ROBO1: variants seen among roughly 807,000 people sequenced by gnomAD.
ROBO1 encodes the protein roundabout homolog 1.
ROBO1 carries 149 observed loss-of-function variants against 195.9 expected under a neutral mutation model. The ratio of observed to expected loss-of-function variants is 0.76; its 90% CI spans 0.67 to 0.87. The LOEUF is 0.87. Ranked by LOEUF, ROBO1 falls within the 40% of genes least tolerant of loss-of-function variation. The pLI is 0.00. For missense variants in ROBO1, 1,933 were observed against 2,068.3 expected, an observed-to-expected ratio of 0.93 and a Z score of 1.27; for synonymous variants, 816 against 733.2, an observed-to-expected ratio of 1.11 and a Z score of -1.82.
At chr3:79,718,899 A>T (rs1702592591) in intron 1 of ROBO1, among the ~76,000 whole-genome samples, 1 of 152,106 alleles carries the variant, frequency 6.6e-6, no homozygotes, top group Non-Finnish European at 1.5e-5. Context: ...AAGATTCTGT[A>T]ACCTGGATAT....
At chr3:79,500,195 ATCTCAGCTCGCTGCAACCTCCGC>A (rs1939992278) in intron 2 of ROBO1, among the ~76,000 whole-genome samples, 1 of 130,418 alleles carries the variant, frequency 7.7e-6, no homozygotes, top group Admixed American at 1.0e-4. Context: ...CAATGGTGCT[ATCTCAGCTCGCTGCAACCTCCGC>A]CTCCAGGTTC....
chr3:79,329,694 A>C (rs2034354022), intron 2 of ROBO1, among the ~76,000 whole-genome samples: 1 of 152,176 alleles, frequency 6.6e-6, no homozygotes. Context: ...TTTCTTTATC[A>C]AATCCAGTTG....
intron 3 of ROBO1, among the ~76,000 whole-genome samples, chr3:79,071,460 A>C (rs2079087347): frequency 6.6e-6 from 1 of 151,808 alleles, no homozygotes; most frequent in African/African-American, 2.4e-5. Context: ...AGATTGTTCC[A>C]ATAACTCCAG....
intron 2 of ROBO1, among the ~76,000 whole-genome samples, chr3:79,390,293 C>T (rs1416956618): frequency 6.6e-6 from 1 of 151,098 alleles, no homozygotes; most frequent in Non-Finnish European, 1.5e-5. Context: ...GAAACAACAA[C>T]AACAACAAAG....
chr3:79,256,170 A>T (rs2082829998), intron 2 of ROBO1, among the ~76,000 whole-genome samples: 1 of 152,152 alleles, frequency 6.6e-6, no homozygotes, highest in Non-Finnish European at 1.5e-5. Context: ...TCTTCCATCC[A>T]CCCACTTAAA....
At chr3:79,152,416 G>A (rs1207657619) in intron 2 of ROBO1, among the ~76,000 whole-genome samples, 1 of 151,700 alleles carries the variant, frequency 6.6e-6, no homozygotes, top group Non-Finnish European at 1.5e-5. Flanking sequence ...GACTAAGGTG[G>A]TACAAGAATA....
At chr3:79,524,742 G>T (rs1242780822) in intron 2 of ROBO1, among the ~76,000 whole-genome samples, 1 of 152,092 alleles carries the variant, frequency 6.6e-6, no homozygotes, top group Non-Finnish European at 1.5e-5. Context: ...TTCAAAAACA[G>T]AGAAAATGAC....
rs564609742 is a variant in ROBO1, at chr3:79,101,454, G to A, written c.172+24002C>T. Among the ~76,000 whole-genome samples the A allele has an allele frequency of 1.4e-4, 21 of 151,894 alleles. No homozygotes were observed. In the South Asian group the frequency reaches 3.9e-3, roughly 28 times the overall value. ...ACGTTACTGAACAAGGGCATGATCC[G>A]TTTTGGATGAATTAATAATGAATGT... On this transcript the variant is annotated intron_variant, in intron 3 of 30. Transcript: ENST00000464233.
chr3:78,796,717 A>G (rs2084195134), intron 4 of ROBO1, among the ~76,000 whole-genome samples: 1 of 152,106 alleles, frequency 6.6e-6, no homozygotes, highest in Non-Finnish European at 1.5e-5. Flanking sequence ...TCACTTTGCT[A>G]AAGCTCTTCC....
At chr3:78,917,682 T>C (rs1017259314) in intron 4 of ROBO1, among the ~76,000 whole-genome samples, 5 of 152,338 alleles carry the variant, frequency 3.3e-5, no homozygotes, top group African/African-American at 9.6e-5. Context: ...ATCCGGAACC[T>C]TTAAGCGGAA....
intron 22 of ROBO1, among the ~76,000 whole-genome samples, chr3:78,636,934 T>TA (rs1228804130): frequency 1.1e-4 from 10 of 87,184 alleles, no homozygotes; most frequent in South Asian, 8.5e-4. Context: ...ATACATTCAT[T>TA]TTATATATAT....
At chr3:79,638,965 G>C (rs1945576918) in intron 1 of ROBO1, among the ~76,000 whole-genome samples, 1 of 152,090 alleles carries the variant, frequency 6.6e-6, no homozygotes, top group Non-Finnish European at 1.5e-5. Flanking sequence ...ATGTATCTTT[G>C]TTAAATTGAA....
At chr3:79,117,744 T>C (rs1424525617) in intron 3 of ROBO1, among the ~76,000 whole-genome samples, 5 of 152,190 alleles carry the variant, frequency 3.3e-5, no homozygotes. Flanking sequence ...TTTAGACACA[T>C]ACGTACTTTT....
chr3:78,907,437 A>G (rs1208598744), intron 4 of ROBO1, among the ~76,000 whole-genome samples: 2 of 152,068 alleles, frequency 1.3e-5, no homozygotes. Flanking sequence ...GCAAATTAGA[A>G]AAGAGCCCCT....
chr3:79,459,528 AT>A (rs35891802), intron 2 of ROBO1, among the ~76,000 whole-genome samples: 1 of 151,302 alleles, frequency 6.6e-6, no homozygotes, highest in Non-Finnish European at 1.5e-5. Flanking sequence ...AAATCTTTTG[AT>A]TTTTTCCCCA....
At chr3:79,146,562 A>G (rs551279755) in intron 2 of ROBO1, among the ~76,000 whole-genome samples, 1 of 152,106 alleles carries the variant, frequency 6.6e-6, no homozygotes, top group Non-Finnish European at 1.5e-5. Flanking sequence ...ATACATATAT[A>G]CATACATATG....
intron 2 of ROBO1, among the ~76,000 whole-genome samples, chr3:79,134,772 G>A (rs1373182041): frequency 1.2e-5 from 1 of 81,110 alleles, no homozygotes; most frequent in Non-Finnish European, 2.4e-5. Flanking sequence ...ATCATTCTCA[G>A]TAAACTATCG....
intron 4 of ROBO1, among the ~76,000 whole-genome samples, chr3:78,782,493 G>A (rs1433968314): frequency 6.6e-6 from 1 of 151,992 alleles, no homozygotes; most frequent in Non-Finnish European, 1.5e-5. Context: ...TACTGTGCCT[G>A]GCCCATAAAT....
chr3:78,629,504 C>T (rs1051537853), intron 25 of ROBO1, among the ~76,000 whole-genome samples: 1 of 151,934 alleles, frequency 6.6e-6, no homozygotes, highest in African/African-American at 2.4e-5. Context: ...ACAGCCTGGG[C>T]AACACAGTGA....
Sources: gnomAD v4.1 joint callset for allele counts (sites outside exome capture counted in the v4.1 genomes callset) on GRCh38, gnomAD v4.1.1 for gene constraint, MANE v1.5 for transcripts, NCBI Gene and HGNC (gene_info 2026-07-23, HGNC 2026-07-21) for gene names.